The following FBXL20 variants were observed in gnomAD, a reference collection of about 807,000 sequenced individuals.
FBXL20 encodes the protein F-box and leucine rich repeat protein 20.
In FBXL20, 11 loss-of-function variants were observed where a neutral mutation model predicts 64.0. That is an observed-to-expected ratio of 0.17 (90% CI 0.11 to 0.28). The LOEUF (loss-of-function observed/expected upper bound fraction) is 0.28, where lower values mean the gene tolerates loss of function less well. FBXL20 is among the 10% of genes least tolerant of loss of function. The pLI, the probability that FBXL20 is intolerant of heterozygous loss-of-function variation, is 1.00. For synonymous variants in FBXL20, 184 were observed against 189.0 expected, an observed-to-expected ratio of 0.97 and a Z score of 0.22; for missense variants, 303 against 526.2, an observed-to-expected ratio of 0.58 and a Z score of 4.15.
intron 2 of FBXL20, among the ~76,000 whole-genome samples, chr17:39,316,808 C>T (rs1208695649): frequency 6.6e-6 from 1 of 152,120 alleles, no homozygotes; most frequent in East Asian, 1.9e-4. Flanking sequence ...GCCAACATGG[C>T]GAAAGCCCGT....
intron 1 of FBXL20, among the ~76,000 whole-genome samples, chr17:39,384,487 T>A (rs142753575): frequency 9.7e-4 from 148 of 151,936 alleles, no homozygotes; most frequent in Admixed American, 2.9e-3. Flanking sequence ...ATCACGTCAC[T>A]GCACTCCACC....
At chr17:39,315,870 A>AGAGAGAGAGCGC (rs1267884348) in intron 2 of FBXL20, among the ~76,000 whole-genome samples, 1 of 139,318 alleles carries the variant, frequency 7.2e-6, no homozygotes, top group African/African-American at 2.7e-5. Context: ...AGAGAGAGAG[A>AGAGAGAGAGCGC]GCAACTGTAG....
intron 1 of FBXL20, among the ~76,000 whole-genome samples, chr17:39,392,152 G>A (rs1278943583): frequency 6.7e-6 from 1 of 148,496 alleles, no homozygotes; most frequent in Non-Finnish European, 1.5e-5. Flanking sequence ...GGAAAAGAAA[G>A]AAAACAGCCA....
intron 1 of FBXL20, among the ~76,000 whole-genome samples, chr17:39,379,443 C>T (rs1245646474): frequency 1.5e-5 from 2 of 130,962 alleles, no homozygotes; most frequent in Non-Finnish European, 3.1e-5. Context: ...GCCAGCAGTT[C>T]AAGAACAAGC....
rs1480467165 is a variant in FBXL20 at position 39,389,336 on chromosome 17, A to G, written c.42+12025T>C. Among the ~76,000 whole-genome samples the G allele has an allele frequency of 4.6e-5, 7 of 152,290 alleles. No individual in the cohort carries two copies. The East Asian group carries it at 1.2e-3, about 25-fold the overall frequency. On this transcript the variant is annotated intron_variant, in intron 1 of 14. Coordinates refer to ENST00000264658, the MANE Select transcript of FBXL20 (RefSeq NM_032875.3). ...GCTTTTCTACAAGTGGGTGGCAGAAATAAGTTGTGATATGATTTTGTTTAA... is the reference window on the plus strand; with the variant it reads ...GCTTTTCTACAAGTGGGTGGCAGAAGTAAGTTGTGATATGATTTTGTTTAA...
intron 1 of FBXL20, among the ~76,000 whole-genome samples, chr17:39,346,450 A>C (rs972136382): frequency 6.6e-6 from 1 of 152,210 alleles, no homozygotes; most frequent in African/African-American, 2.4e-5. Context: ...ACCACAGGGA[A>C]GAGAATCCTA....
At chr17:39,294,529 A>C (rs2047068061) in intron 6 of FBXL20, among the ~76,000 whole-genome samples, 1 of 151,310 alleles carries the variant, frequency 6.6e-6, no homozygotes, top group African/African-American at 2.4e-5. Flanking sequence ...AGCCTCTCAA[A>C]GTGCTGGGAT....
chr17:39,298,944 G>A (rs369003312), intron 5 of FBXL20, 46 bp downstream of exon 5: 1 of 1,478,964 alleles, frequency 6.8e-7, no homozygotes, highest in African/African-American at 1.4e-5. Context: ...AGATGGTGCT[G>A]CTCTTCACTT....
At chr17:39,268,071 T>C (rs934077380) in intron 12 of FBXL20, among the ~76,000 whole-genome samples, 2 of 152,064 alleles carry the variant, frequency 1.3e-5, no homozygotes, top group Non-Finnish European at 2.9e-5. Flanking sequence ...GTTCTTAAAA[T>C]TGTGTTAATG....
In FBXL20 at chr17:39,312,916, TAC is replaced by T. The variant is rs1248444779; in HGVS notation, c.105-9279_105-9278del. ...CCATATATTTGATAATGAAGATAGT[TAC>T]TTTTTTTTTTTTTTTTTTGAGATGG... On this transcript the variant is annotated intron_variant, in intron 2 of 14. Coordinates refer to ENST00000264658, the MANE Select transcript of FBXL20 (RefSeq NM_032875.3). Among the ~76,000 whole-genome samples, 3 of 119,682 alleles carry T rather than the reference TAC, an allele frequency of 2.5e-5. No individual in the cohort carries two copies. The East Asian group carries it at 6.9e-4, about 27-fold the overall frequency. The allele number at this position is 119,682 out of a possible 152,430, so 78.5% of individuals were successfully genotyped here.
At chr17:39,267,419 G>C (rs1259821956) in intron 12 of FBXL20, among the ~76,000 whole-genome samples, 5 of 152,124 alleles carry the variant, frequency 3.3e-5, no homozygotes, top group Non-Finnish European at 7.4e-5. Context: ...TCAGAGAAAG[G>C]AATCAGACGA....
intron 2 of FBXL20, among the ~76,000 whole-genome samples, chr17:39,313,206 A>G (rs1181405264): frequency 3.0e-5 from 4 of 135,254 alleles, no homozygotes; most frequent in South Asian, 2.4e-4. Flanking sequence ...TGTGAGCCAC[A>G]GTGCCCGGCC....
chr17:39,276,409 G>A (rs1400525116), intron 9 of FBXL20, among the ~76,000 whole-genome samples: 2 of 150,244 alleles, frequency 1.3e-5, no homozygotes, highest in African/African-American at 2.4e-5. Context: ...GGTGGCTCAA[G>A]CCTGTAACCC....
intron 10 of FBXL20, among the ~76,000 whole-genome samples, chr17:39,271,970 G>A (rs937006095): frequency 6.6e-6 from 1 of 152,128 alleles, no homozygotes; most frequent in Non-Finnish European, 1.5e-5. Context: ...AATGGATGGC[G>A]GGGTGCGGTG....
chr17:39,270,864 A>T lies in FBXL20; in HGVS notation c.828-8T>A. The T allele has an allele frequency of 7.7e-7, 1 of 1,301,826 alleles. No individual in the cohort carries two copies. Among genetic ancestry groups the T allele is most frequent in the Non-Finnish European group, 1.0e-6 (1 of 965,654 alleles). 80.6% of individuals were successfully genotyped at this position (1,301,826 alleles called of 1,614,324 possible). ...CTTGCCACTTCCAATATTCTGTTAA[A>T]AAAAAAAAAAAAACAGTGAAAGTCA... On this transcript the variant is annotated splice_region_variant and splice_polypyrimidine_tract_variant and intron_variant, in intron 10 of 14. Coordinates refer to ENST00000264658, the MANE Select transcript of FBXL20 (RefSeq NM_032875.3).
chr17:39,307,267 G>A (rs1226033363), intron 2 of FBXL20, among the ~76,000 whole-genome samples: 1 of 150,508 alleles, frequency 6.6e-6, no homozygotes, highest in Non-Finnish European at 1.5e-5. Context: ...TAAAATATAT[G>A]AGAAAATTTC....
chr17:39,376,590 T>G (rs2047969298), intron 1 of FBXL20, among the ~76,000 whole-genome samples: 1 of 152,102 alleles, frequency 6.6e-6, no homozygotes, highest in South Asian at 2.1e-4. Flanking sequence ...TAAGCCAGAG[T>G]TGTAAACTGA....
At position 39,265,467 on chromosome 17, in the gene FBXL20, CGTATGTTG is replaced by C; in HGVS notation, c.934-22_934-15del. ...GCTATCTGTTATCTGAAAGAAATAA[CGTATGTTG>C]ATTTTAGGTATAATCCAAATAAAAT... On this transcript the variant is annotated splice_polypyrimidine_tract_variant and intron_variant, in intron 12 of 14. Coordinates refer to ENST00000264658, the MANE Select transcript of FBXL20 (RefSeq NM_032875.3). The C allele has an allele frequency of 6.3e-7, 1 of 1,585,078 alleles. No individual in the cohort carries two copies. The highest frequency in any genetic ancestry group is 1.7e-5 in the Admixed American group (1 of 59,870).
chr17:39,402,054 T>C (rs1040741253), upstream of FBXL20: 6 of 922,422 alleles, frequency 6.5e-6, no homozygotes, highest in African/African-American at 5.1e-5. Context: ...GGCACGCACC[T>C]GCCTGCACAG....
Sources: allele counts gnomAD v4.1 joint callset (sites outside exome capture counted in the v4.1 genomes callset), GRCh38; gene constraint gnomAD v4.1.1; transcripts MANE v1.5; gene names NCBI Gene and HGNC (gene_info 2026-07-23, HGNC 2026-07-21).